The following ARHGAP18 variants were observed in gnomAD, a reference collection of about 807,000 sequenced individuals.
ARHGAP18 encodes rho GTPase-activating protein 18.
ARHGAP18 carries 67 observed loss-of-function variants against 86.2 expected under a neutral mutation model. That is an observed-to-expected ratio of 0.78 (90% CI 0.64 to 0.95). The LOEUF (loss-of-function observed/expected upper bound fraction) is 0.95. ARHGAP18 is among the 40% of genes least tolerant of loss of function. ARHGAP18 has a pLI of 0.00. For synonymous variants in ARHGAP18, 283 were observed against 280.4 expected (o/e 1.01, Z -0.09); for missense variants, 691 against 780.4 (o/e 0.89, Z 1.37).
chr6:129,703,718 G>A (rs1321575675), intron 1 of ARHGAP18, among the ~76,000 whole-genome samples: 1 of 152,174 alleles, frequency 6.6e-6, no homozygotes, highest in African/African-American at 2.4e-5. Flanking sequence ...AATTCAAGAA[G>A]AAACTATGGA....
intron 3 of ARHGAP18, among the ~76,000 whole-genome samples, chr6:129,634,658 G>C (rs889511738): frequency 2.0e-5 from 3 of 151,980 alleles, no homozygotes; most frequent in Non-Finnish European, 4.4e-5. Context: ...CCTAAGAGTA[G>C]GGAGGGAAAG....
rs1443171703 is a variant in ARHGAP18, at chr6:129,576,992, G to A, written c.*1521C>T. The A allele has an allele frequency of 6.6e-6, 1 of 150,996 alleles. No homozygotes were observed. The highest frequency in any genetic ancestry group is 1.5e-5 in the Non-Finnish European group (1 of 67,802). The allele number at this position is 150,996 out of a possible 1,614,324, so 9.4% of individuals were successfully genotyped here. ...AATTACAAAGAAAATAGAAAATAGA[G>A]GTGACTTTTAATAACAAAAAAGTCC... On this transcript the variant is annotated 3_prime_UTR_variant, in exon 15 of 15. Transcript: ENST00000368149.
At chr6:129,662,595 A>G (rs1225189580) in intron 1 of ARHGAP18, among the ~76,000 whole-genome samples, 1 of 152,230 alleles carries the variant, frequency 6.6e-6, no homozygotes, top group Admixed American at 6.5e-5. Context: ...CTGAATGCCC[A>G]TGTGAAGCCT....
intron 1 of ARHGAP18, among the ~76,000 whole-genome samples, chr6:129,666,578 C>T (rs1049245129): frequency 5.9e-5 from 9 of 152,294 alleles, no homozygotes; most frequent in African/African-American, 1.9e-4. Flanking sequence ...CTCTCCACAC[C>T]GTTCAGCCAC....
intron 4 of ARHGAP18, 152 bp from the exon 5 acceptor site, chr6:129,629,674 A>G: frequency 1.3e-6 from 1 of 799,100 alleles, no homozygotes; most frequent in African/African-American, 1.7e-5. Context: ...GAGTATACTC[A>G]AGAATCCTAT....
At position 129,710,094 on chromosome 6, in the gene ARHGAP18, AGGCT is replaced by A; in HGVS notation, c.39_42del (p.Ala14ThrfsTer32). ...GTCTGGTCCTTGCCGCTGGGGTGGT[AGGCT>A]GTTAGTACCACTCCCTGGGAACTGG... On this transcript the variant is annotated frameshift_variant, in exon 1 of 15. Coordinates refer to ENST00000368149, the MANE Select transcript of ARHGAP18 (RefSeq NM_033515.3). LOFTEE classifies it high-confidence loss of function. 6.2e-7 allele frequency: 1 copy of A among 1,614,010 alleles called. No homozygotes were observed. The highest frequency in any genetic ancestry group is 8.5e-7 in the Non-Finnish European group (1 of 1,179,952).
chr6:129,587,089 C>T (rs1788409460), intron 12 of ARHGAP18, among the ~76,000 whole-genome samples: 1 of 152,140 alleles, frequency 6.6e-6, no homozygotes, highest in Non-Finnish European at 1.5e-5. Context: ...TTCAAAATTA[C>T]TTATTTTTTG....
chr6:129,677,351 C>A (rs140396002), intron 1 of ARHGAP18, among the ~76,000 whole-genome samples: 2 of 152,104 alleles, frequency 1.3e-5, no homozygotes, highest in South Asian at 4.1e-4. Context: ...CGAGATCGCA[C>A]CACTGCAGTC....
intron 8 of ARHGAP18, among the ~76,000 whole-genome samples, chr6:129,608,411 GA>G (rs557119142): frequency 3.1e-4 from 47 of 151,652 alleles, no homozygotes; most frequent in Admixed American, 3.9e-4. Context: ...GTTAAATTAA[GA>G]AAAAAATCAT....
intron 13 of ARHGAP18, among the ~76,000 whole-genome samples, chr6:129,582,844 A>AG (rs1788316182): frequency 6.6e-6 from 1 of 152,202 alleles, no homozygotes; most frequent in African/African-American, 2.4e-5. Context: ...AGCAGACGTA[A>AG]TAATAGCACT....
chr6:129,618,549 G>C, intron 6 of ARHGAP18, 138 bp downstream of exon 6: 2 of 769,556 alleles, frequency 2.6e-6, no homozygotes, highest in East Asian at 2.7e-5. Context: ...CAACATCTTA[G>C]AATATAAACT....
intron 13 of ARHGAP18, 91 bp downstream of exon 13, chr6:129,583,890 CAAAAAAA>C (rs113008374): frequency 3.3e-6 from 4 of 1,210,828 alleles, no homozygotes; most frequent in East Asian, 2.7e-5. Context: ...ACAATTAAAA[CAAAAAAA>C]AAAAAAAGGA....
In ARHGAP18 at chr6:129,686,827, G is replaced by A. The variant is rs1054466153; in HGVS notation, c.113+23197C>T. 1.1e-4 allele frequency among the ~76,000 whole-genome samples: 15 copies of A among 130,442 alleles called. 1 individual carries two copies. Among genetic ancestry groups the A allele is most frequent in the Admixed American group, 6.5e-4 (7 of 10,800 alleles). 85.6% of individuals were successfully genotyped at this position (130,442 alleles called of 152,430 possible). A position where few individuals can be genotyped will look rare whatever the true frequency, so the allele number is the denominator to read the frequency against. On this transcript the variant is annotated intron_variant, in intron 1 of 14. Transcript: ENST00000368149. The stretch of plus-strand genomic sequence containing the variant: ...TTTTTTGAGATGGAGTCTCGCTCTC[G>A]TGGCCCAGGCCGGTGTGCAATGGCG...
intron 1 of ARHGAP18, among the ~76,000 whole-genome samples, chr6:129,678,009 G>A (rs1774265390): frequency 6.6e-6 from 1 of 152,212 alleles, no homozygotes. Flanking sequence ...TTGCCTATGA[G>A]TATCATCCAT....
intron 2 of ARHGAP18, 112 bp from the exon 3 acceptor site, chr6:129,638,741 G>A (rs550290872): frequency 2.1e-6 from 2 of 936,268 alleles, no homozygotes; most frequent in South Asian, 3.1e-5. Context: ...AAACCACAGT[G>A]CTAAGAATCA....
chr6:129,580,115 G>A lies in ARHGAP18; in HGVS notation c.1855C>T (p.Leu619Phe), dbSNP rs1054110814. ...LSQESGVAQTLKKGEVFLYEI... is the reference protein window; with the variant it reads ...LSQESGVAQTFKKGEVFLYEI... ...TACAAAAAAACTTCTCCTTTCTTGAGAGTCTGGGCAACCCCACTATGAGGG... is the reference window on the plus strand; with the variant it reads ...TACAAAAAAACTTCTCCTTTCTTGAAAGTCTGGGCAACCCCACTATGAGGG... The change falls in exon 14 of 15, where the codon CTC becomes TTC. Residue 619 changes from leucine to phenylalanine, a missense_variant. By Grantham distance (22) the Leu-to-Phe change is conservative. Transcript: ENST00000368149. 2.5e-6 allele frequency: 4 copies of A among 1,613,756 alleles called. No individual in the cohort carries two copies. The highest frequency in any genetic ancestry group is 3.3e-5 in the Admixed American group (2 of 59,978).
chr6:129,606,610 T>C (rs1788858681), intron 9 of ARHGAP18, among the ~76,000 whole-genome samples: 1 of 152,194 alleles, frequency 6.6e-6, no homozygotes, highest in South Asian at 2.1e-4. Context: ...TTAATCCATA[T>C]CCAGGAAATG....
At chr6:129,682,726 A>G (rs1394332759) in intron 1 of ARHGAP18, among the ~76,000 whole-genome samples, 4 of 152,244 alleles carry the variant, frequency 2.6e-5, no homozygotes, top group African/African-American at 4.8e-5. Context: ...TTCAGGAATA[A>G]AGAAAACAAC....
At chr6:129,594,181 C>A (rs1366700984) in intron 12 of ARHGAP18, among the ~76,000 whole-genome samples, 2 of 152,138 alleles carry the variant, frequency 1.3e-5, no homozygotes, top group Non-Finnish European at 2.9e-5. Context: ...CAATCCCTGG[C>A]AATCTAGCTT....
Sources: gnomAD v4.1 joint callset for allele counts (sites outside exome capture counted in the v4.1 genomes callset) on GRCh38, gnomAD v4.1.1 for gene constraint, MANE v1.5 for transcripts, NCBI Gene and HGNC (gene_info 2026-07-23, HGNC 2026-07-21) for gene names.